Variants in KDM4C observed in about 807,000 individuals in gnomAD.
KDM4C encodes the protein lysine-specific demethylase 4C.
KDM4C carries 81 observed loss-of-function variants against 129.3 expected under a neutral mutation model. The observed-to-expected ratio is 0.63, with a 90% CI of 0.52 to 0.75. The LOEUF is 0.75. Among genes scored for constraint, KDM4C ranks in the 30% least tolerant of loss-of-function variants. The probability of loss-of-function intolerance (pLI) is 0.00; values close to 1 mark genes in which losing one functional copy is unlikely to be tolerated. For missense variants in KDM4C, 1,457 were observed against 1,304.0 expected, an observed-to-expected ratio of 1.12 and a Z score of -1.81; for synonymous variants, 573 against 456.1, an observed-to-expected ratio of 1.26 and a Z score of -3.26.
intron 8 of KDM4C, among the ~76,000 whole-genome samples, chr9:6,950,444 A>T (rs1029955760): frequency 2.6e-5 from 4 of 152,196 alleles, no homozygotes; most frequent in East Asian, 1.9e-4. Context: ...AAATTCATCC[A>T]TACAGATTTT....
upstream of KDM4C, chr9:6,757,699 A>T: frequency 1.0e-6 from 1 of 985,508 alleles, no homozygotes; most frequent in Non-Finnish European, 1.2e-6. Context: ...CATCAGGTCC[A>T]GCCCTGCGGG....
At chr9:7,088,311 G>A (rs1835387672) in intron 17 of KDM4C, among the ~76,000 whole-genome samples, 1 of 152,172 alleles carries the variant, frequency 6.6e-6, no homozygotes, top group Non-Finnish European at 1.5e-5. Context: ...TCACATTTAA[G>A]GGAGCATCAC....
chr9:7,117,395 G>A (rs918659121), intron 18 of KDM4C, among the ~76,000 whole-genome samples: 65 of 151,946 alleles, frequency 4.3e-4, no homozygotes, highest in Non-Finnish European at 6.8e-4. Flanking sequence ...TTATAGGCAG[G>A]AGTTACCACT....
rs958807825 is a variant in KDM4C, at chr9:6,888,827, G to C, written c.783+764G>C. On this transcript the variant is annotated intron_variant, in intron 7 of 21. Coordinates refer to ENST00000381309, the MANE Select transcript of KDM4C (RefSeq NM_015061.6). ...TTTTGAGACGGAGTCTCGCTCTGTC[G>C]CCCAGGCTGGAGTGCAGTGGCGGGA... 8.1e-5 allele frequency among the ~76,000 whole-genome samples: 2 copies of C among 24,838 alleles called. 1 individual carries two copies. Among genetic ancestry groups the C allele is most frequent in the Non-Finnish European group, 1.4e-4 (2 of 14,380 alleles). The allele number at this position is 24,838 out of a possible 152,430, so 16.3% of individuals were successfully genotyped here.
chr9:6,856,680 C>A (rs936356880), intron 5 of KDM4C, among the ~76,000 whole-genome samples: 1 of 151,742 alleles, frequency 6.6e-6, no homozygotes, highest in African/African-American at 2.4e-5. Flanking sequence ...TCAAGTGATC[C>A]TCCCACTTCA....
intron 5 of KDM4C, among the ~76,000 whole-genome samples, chr9:6,856,595 A>T (rs1459864725): frequency 5.0e-5 from 7 of 139,364 alleles, no homozygotes; most frequent in Admixed American, 4.9e-4. Context: ...TTTTTTTGAG[A>T]CAGAGTCTCA....
rs150536525 is a variant in KDM4C at position 6,854,456 on chromosome 9, C to T, written c.629+4756C>T. On this transcript the variant is annotated intron_variant, in intron 5 of 21. Transcript: ENST00000381309. ...AGGAGAATTGCTTGAATCTGGGAGG[C>T]GGAGGTTGAGGTGAGCTGAGATCGC... Among the ~76,000 whole-genome samples the T allele has an allele frequency of 9.2e-3, 1,229 of 133,698 alleles. 17 individuals are homozygous for T. Among genetic ancestry groups the T allele is most frequent in the African/African-American group, 0.033 (1,166 of 35,456 alleles). The allele number at this position is 133,698 out of a possible 152,430, so 87.7% of individuals were successfully genotyped here. A position where few individuals can be genotyped will look rare whatever the true frequency, so the allele number is the denominator to read the frequency against.
intron 8 of KDM4C, among the ~76,000 whole-genome samples, chr9:6,921,334 T>C (rs1289475991): frequency 6.6e-6 from 1 of 152,240 alleles, no homozygotes; most frequent in Non-Finnish European, 1.5e-5. Context: ...CACGTCCGCT[T>C]GGATGTTGAT....
At chr9:6,789,463 A>G (rs1218703776) in intron 1 of KDM4C, among the ~76,000 whole-genome samples, 2 of 151,740 alleles carry the variant, frequency 1.3e-5, no homozygotes, top group African/African-American at 4.8e-5. Context: ...CAGGTGATCC[A>G]CCCACCTCAG....
intron 18 of KDM4C, among the ~76,000 whole-genome samples, chr9:7,105,706 A>G (rs960698458): frequency 6.6e-6 from 1 of 152,162 alleles, no homozygotes; most frequent in East Asian, 1.9e-4. Flanking sequence ...GGGATCATAC[A>G]TTACCGTTTT....
intron 5 of KDM4C, among the ~76,000 whole-genome samples, chr9:6,855,734 A>G (rs1220262943): frequency 1.3e-5 from 2 of 151,684 alleles, no homozygotes; most frequent in Non-Finnish European, 2.9e-5. Flanking sequence ...TAATTACTTG[A>G]TTATTGTTGA....
chr9:6,928,610 T>TTAA (rs1554647838), intron 8 of KDM4C, among the ~76,000 whole-genome samples: 3 of 152,136 alleles, frequency 2.0e-5, no homozygotes, highest in African/African-American at 7.3e-5. Context: ...TTTTTTTTTT[T>TTAA]TAATAATAAT....
chr9:6,829,262 G>A (rs115351153), intron 4 of KDM4C, among the ~76,000 whole-genome samples: 1,673 of 152,306 alleles, frequency 0.011, 31 homozygotes, highest in African/African-American at 0.037. Context: ...TGAGAATCCA[G>A]GGCATTATGG....
Position 7,000,317 on chromosome 9 carries a change from A to G in KDM4C, c.1786+9793A>G, listed in dbSNP as rs141249867. 3.6e-3 allele frequency among the ~76,000 whole-genome samples: 541 copies of G among 152,298 alleles called. 13 individuals carry two copies. The highest frequency in any genetic ancestry group is 2.9e-3 in the East Asian group (15 of 5,186). Reference sequence around the variant, plus strand: ...AATTAGAGACAAAAATGCTGGCTTTATAATTTATGTGATGCTGTTGCTTTC... The same window carrying G: ...AATTAGAGACAAAAATGCTGGCTTTGTAATTTATGTGATGCTGTTGCTTTC... On this transcript the variant is annotated intron_variant, in intron 12 of 21. Transcript: ENST00000381309.
chr9:7,154,279 C>T (rs181563822), intron 19 of KDM4C, among the ~76,000 whole-genome samples: 105 of 152,322 alleles, frequency 6.9e-4, no homozygotes, highest in Middle Eastern at 3.4e-3. Flanking sequence ...TCTCTGGAAA[C>T]GATAGCAGCT....
At chr9:6,799,646 T>TC (rs1250300949) in intron 2 of KDM4C, among the ~76,000 whole-genome samples, 6 of 146,850 alleles carry the variant, frequency 4.1e-5, no homozygotes, top group South Asian at 2.1e-4. Context: ...TCTTTTCTTT[T>TC]TTTTTTTTTT....
chr9:7,038,364 A>G (rs907477394), intron 15 of KDM4C, among the ~76,000 whole-genome samples: 1 of 152,012 alleles, frequency 6.6e-6, no homozygotes, highest in African/African-American at 2.4e-5. Flanking sequence ...GCTCTTTTCT[A>G]TGTATTATAA....
intron 8 of KDM4C, among the ~76,000 whole-genome samples, chr9:6,920,151 C>T (rs1442099153): frequency 1.3e-5 from 2 of 151,846 alleles, no homozygotes; most frequent in African/African-American, 4.8e-5. Context: ...GGGCAGGGGG[C>T]TAGGGAATGG....
chr9:6,990,785 GT>G (rs1301864654), intron 12 of KDM4C, among the ~76,000 whole-genome samples: 2 of 152,124 alleles, frequency 1.3e-5, no homozygotes, highest in Non-Finnish European at 2.9e-5. Context: ...GCCTTGACAT[GT>G]TTTAGGGTTC....
Sources: gnomAD v4.1 joint callset for allele counts (sites outside exome capture counted in the v4.1 genomes callset) on GRCh38, gnomAD v4.1.1 for gene constraint, MANE v1.5 for transcripts, NCBI Gene and HGNC (gene_info 2026-07-23, HGNC 2026-07-21) for gene names.